Variants in DNAJC15 observed in about 807,000 individuals in gnomAD.
DNAJC15 encodes dnaJ homolog subfamily C member 15.
DNAJC15 carries 27 observed loss-of-function variants against 22.4 expected under a neutral mutation model. The observed-to-expected ratio is 1.20, with a 90% CI of 0.89 to 1.66. The LOEUF is 1.66. DNAJC15 is among the 40% of genes most tolerant of loss of function. DNAJC15 has a pLI of 0.00. For synonymous variants in DNAJC15, 79 were observed against 63.2 expected, an observed-to-expected ratio of 1.25 and a Z score of -1.19; for missense variants, 208 against 187.1, an observed-to-expected ratio of 1.11 and a Z score of -0.65.
At chr13:43,076,018 A>G (rs1340323800) in intron 3 of DNAJC15, among the ~76,000 whole-genome samples, 1 of 152,026 alleles carries the variant, frequency 6.6e-6, no homozygotes, top group African/African-American at 2.4e-5. Flanking sequence ...CTCTCTTTAT[A>G]TATGTGCATA....
intron 5 of DNAJC15, among the ~76,000 whole-genome samples, chr13:43,102,851 A>G (rs1421851422): frequency 6.6e-6 from 1 of 152,126 alleles, no homozygotes; most frequent in Non-Finnish European, 1.5e-5. Flanking sequence ...TGCCAGCCTC[A>G]TAAAAAGAGT....
intron 4 of DNAJC15, among the ~76,000 whole-genome samples, chr13:43,085,374 G>A (rs1017503768): frequency 6.6e-6 from 1 of 150,536 alleles, no homozygotes; most frequent in South Asian, 2.1e-4. Flanking sequence ...GGGGGGTGGG[G>A]GGGGAAAGTC....
intron 5 of DNAJC15, among the ~76,000 whole-genome samples, chr13:43,094,387 A>G (rs1242916249): frequency 6.6e-6 from 1 of 152,158 alleles, no homozygotes; most frequent in Non-Finnish European, 1.5e-5. Flanking sequence ...GACCTACTTA[A>G]TCAGAAAACC....
rs2040375405 is a variant in DNAJC15 at position 43,025,236 on chromosome 13, T to C, written c.108+1502T>C. On this transcript the variant is annotated intron_variant, in intron 1 of 5. Transcript: ENST00000379221. Reference sequence around the variant, plus strand: ...TATAGTATTCAGTGTATGATACAGCTGAACAAGATCAGGCAGAAGTAATCC... The same window carrying C: ...TATAGTATTCAGTGTATGATACAGCCGAACAAGATCAGGCAGAAGTAATCC... 2.0e-5 allele frequency among the ~76,000 whole-genome samples: 3 copies of C among 152,216 alleles called. 1 individual carries two copies. The highest frequency in any genetic ancestry group is 2.0e-4 in the Admixed American group (3 of 15,288).
chr13:43,023,606 G>A lies in DNAJC15; in HGVS notation c.-21G>A. The A allele has an allele frequency of 6.2e-7, 1 of 1,601,644 alleles. No individual in the cohort carries two copies. Among genetic ancestry groups the A allele is most frequent in the South Asian group, 1.1e-5 (1 of 89,340 alleles). The stretch of plus-strand genomic sequence containing the variant: ...CTCGTAGTCACTGCCGCGGCGCCTT[G>A]AGTCTCCGGGCCGCCTTGCCATGGC... On this transcript the variant is annotated 5_prime_UTR_variant, in exon 1 of 6. Transcript: ENST00000379221.
At chr13:43,076,449 CTTCT>C (rs1046578899) in intron 3 of DNAJC15, among the ~76,000 whole-genome samples, 9 of 152,074 alleles carry the variant, frequency 5.9e-5, no homozygotes, top group East Asian at 1.9e-4. Flanking sequence ...TTTTAGTATT[CTTCT>C]TTCTTTAATT....
At chr13:43,042,748 A>G (rs961389129) in intron 1 of DNAJC15, among the ~76,000 whole-genome samples, 14 of 152,184 alleles carry the variant, frequency 9.2e-5, no homozygotes, top group South Asian at 2.1e-4. Flanking sequence ...AGAAACTTCA[A>G]TTTTGTTCTT....
intron 4 of DNAJC15, among the ~76,000 whole-genome samples, chr13:43,083,193 A>G (rs2040671644): frequency 6.6e-6 from 1 of 151,172 alleles, no homozygotes; most frequent in South Asian, 2.1e-4. Flanking sequence ...TTTGAGACGG[A>G]GTCTTGCTCT....
At position 43,088,372 on chromosome 13, in the gene DNAJC15, G is replaced by T. The variant is rs541505818; in HGVS notation, c.382+2534G>T. Among the ~76,000 whole-genome samples the T allele has an allele frequency of 2.6e-5, 4 of 152,268 alleles. No individual in the cohort carries two copies. In the South Asian group the frequency reaches 8.3e-4, roughly 32 times the overall value. On this transcript the variant is annotated intron_variant, in intron 5 of 5. Coordinates refer to ENST00000379221, the MANE Select transcript of DNAJC15 (RefSeq NM_013238.3). ...CTCCTAAATCTGGGCTTTCTGCTCT[G>T]TCCCGGGGAAAATGTCCTATTAGCT...
rs1048774418 is a variant in DNAJC15, at chr13:43,109,199, A to G, written c.*1951A>G. ...ATTCCCATAGCACTTTATTCTTCAC[A>G]TGGTACATAACTATAGGGGCTATAG... On this transcript the variant is annotated 3_prime_UTR_variant, in exon 6 of 6. Transcript: ENST00000379221. 1.3e-5 allele frequency: 2 copies of G among 152,232 alleles called. No individual in the cohort carries two copies. The highest frequency in any genetic ancestry group is 6.5e-5 in the Admixed American group (1 of 15,288). 9.4% of individuals were successfully genotyped at this position (152,232 alleles called of 1,614,324 possible). A position where few individuals can be genotyped will look rare whatever the true frequency, so the allele number is the denominator to read the frequency against.
At chr13:43,078,796 G>C in intron 4 of DNAJC15, 108 bp downstream of exon 4, 4 of 849,394 alleles carry the variant, frequency 4.7e-6, no homozygotes, top group Non-Finnish European at 5.1e-6. Context: ...TGAGTAGGTG[G>C]CAGAGGAGAA....
At chr13:43,103,171 GATTAATATTCTA>G (rs1440818271) in intron 5 of DNAJC15, among the ~76,000 whole-genome samples, 1 of 152,066 alleles carries the variant, frequency 6.6e-6, no homozygotes, top group Non-Finnish European at 1.5e-5. Context: ...GGAGTATATT[GATTAATATTCTA>G]ACATTGGGAT....
At chr13:43,096,741 G>C (rs2040741590) in intron 5 of DNAJC15, among the ~76,000 whole-genome samples, 1 of 152,158 alleles carries the variant, frequency 6.6e-6, no homozygotes, top group Non-Finnish European at 1.5e-5. Context: ...TTCACCCTTT[G>C]TATTCAGGTT....
intron 5 of DNAJC15, among the ~76,000 whole-genome samples, chr13:43,090,853 G>T (rs562746089): frequency 4.0e-5 from 6 of 151,338 alleles, no homozygotes; most frequent in Non-Finnish European, 8.8e-5. Flanking sequence ...AACTACAGGC[G>T]CCCACCACCA....
At chr13:43,079,730 A>G (rs575563111) in intron 4 of DNAJC15, among the ~76,000 whole-genome samples, 132 of 152,278 alleles carry the variant, frequency 8.7e-4, no homozygotes, top group African/African-American at 3.0e-3. Flanking sequence ...AAAACCAAGT[A>G]CAAAGGTTTT....
chr13:43,040,860 A>G (rs1163526845), intron 1 of DNAJC15, among the ~76,000 whole-genome samples: 1 of 152,200 alleles, frequency 6.6e-6, no homozygotes, highest in Non-Finnish European at 1.5e-5. Flanking sequence ...TTAGATATGC[A>G]TACACATAAA....
At chr13:43,030,094 G>A (rs1448469202) in intron 1 of DNAJC15, among the ~76,000 whole-genome samples, 1 of 152,152 alleles carries the variant, frequency 6.6e-6, no homozygotes, top group Admixed American at 6.5e-5. Context: ...TATAATCAGA[G>A]TACGTATAAT....
chr13:43,064,075 C>T lies in DNAJC15; in HGVS notation c.109-1611C>T, dbSNP rs553228730. Among the ~76,000 whole-genome samples, 3 of 152,292 alleles carry T rather than the reference C, an allele frequency of 2.0e-5. No individual in the cohort carries two copies. The East Asian group carries it at 5.8e-4, about 29-fold the overall frequency. On this transcript the variant is annotated intron_variant, in intron 1 of 5. Transcript: ENST00000379221. ...TCTCTGGTAGGCAGCTCTAGGCTTTCGCTCCTCTGCCAGGGAATGAATCTT... is the reference window on the plus strand; with the variant it reads ...TCTCTGGTAGGCAGCTCTAGGCTTTTGCTCCTCTGCCAGGGAATGAATCTT...
Position 43,112,842 on chromosome 13 carries a change from A to C in DNAJC15, c.*5594A>C, listed in dbSNP as rs1438814903. ...TCTAAATATGTGGGAATCAGAATGA[A>C]GGGGCTTGTATGACTTTTGGCTCAT... On this transcript the variant is annotated 3_prime_UTR_variant, in exon 6 of 6. Coordinates refer to ENST00000379221, the MANE Select transcript of DNAJC15 (RefSeq NM_013238.3). 1.3e-5 allele frequency: 2 copies of C among 152,220 alleles called. No individual in the cohort carries two copies. The highest frequency in any genetic ancestry group is 2.1e-4 in the South Asian group (1 of 4,832). 9.4% of individuals were successfully genotyped at this position (152,220 alleles called of 1,614,324 possible). A position where few individuals can be genotyped will look rare whatever the true frequency, so the allele number is the denominator to read the frequency against.
Sources: gnomAD v4.1 joint callset for allele counts (sites outside exome capture counted in the v4.1 genomes callset) on GRCh38, gnomAD v4.1.1 for gene constraint, MANE v1.5 for transcripts, NCBI Gene and HGNC (gene_info 2026-07-23, HGNC 2026-07-21) for gene names.